The following CABP5 variants were observed in gnomAD, a reference collection of about 807,000 sequenced individuals.
The protein encoded by CABP5 is calcium binding protein 5, also known as calcium-binding protein 5.
CABP5 carries 17 observed loss-of-function variants against 21.9 expected under a neutral mutation model. The observed-to-expected ratio is 0.78, with a 90% CI of 0.53 to 1.17. CABP5 has a LOEUF of 1.17. Ranked by LOEUF, CABP5 falls within the 50% of genes most tolerant of loss-of-function variation. CABP5 has a pLI of 0.00. For synonymous variants in CABP5, 85 were observed against 79.4 expected, an observed-to-expected ratio of 1.07 and a Z score of -0.37; for missense variants, 229 against 228.9, an observed-to-expected ratio of 1.00 and a Z score of 0.00.
chr19:48,041,397 T>G (rs1967480179), intron 2 of CABP5, 176 bp downstream of exon 2: 3 of 662,594 alleles, frequency 4.5e-6, no homozygotes, highest in Admixed American at 3.1e-5. Flanking sequence ...CGAAATACTT[T>G]GGGAAGTCCT....
chr19:48,032,637 T>TTTC (rs150439776), intron 5 of CABP5, among the ~76,000 whole-genome samples: 14,750 of 103,946 alleles, frequency 0.14, 851 homozygotes, highest in South Asian at 0.19. Flanking sequence ...CTTTTTTTCT[T>TTTC]TTTTTCTTTT....
chr19:48,040,760 G>A lies in CABP5; in HGVS notation c.95-12C>T. Reference sequence around the variant, plus strand: ...TGCTTCCCGCAGCTCTGAAAGTTAAGAGAGAACTTTGGGGGAACTTGAAGC... The same window carrying A: ...TGCTTCCCGCAGCTCTGAAAGTTAAAAGAGAACTTTGGGGGAACTTGAAGC... On this transcript the variant is annotated splice_polypyrimidine_tract_variant and intron_variant, in intron 2 of 5. Transcript: ENST00000293255. The A allele has an allele frequency of 1.2e-6, 2 of 1,613,648 alleles. No homozygotes were observed. The highest frequency in any genetic ancestry group is 2.2e-5 in the East Asian group (1 of 44,868).
At chr19:48,036,994 G>C (rs1420711483) in intron 4 of CABP5, among the ~76,000 whole-genome samples, 1 of 152,158 alleles carries the variant, frequency 6.6e-6, no homozygotes, top group Non-Finnish European at 1.5e-5. Flanking sequence ...CTTTTGCTGG[G>C]TATGGAAATT....
intron 3 of CABP5, among the ~76,000 whole-genome samples, chr19:48,039,762 G>T (rs1315215473): frequency 4.0e-5 from 5 of 125,694 alleles, no homozygotes; most frequent in African/African-American, 1.5e-4. Context: ...TGCCAAGGCT[G>T]GAGTGCAATG....
chr19:48,041,314 C>T (rs1967479362), intron 2 of CABP5: 1 of 502,812 alleles, frequency 2.0e-6, no homozygotes, highest in African/African-American at 2.0e-5. Flanking sequence ...TGGGGAACCT[C>T]AAAGTCACCA....
At chr19:48,032,659 G>GTC (rs1488933182) in intron 5 of CABP5, among the ~76,000 whole-genome samples, 1 of 126,478 alleles carries the variant, frequency 7.9e-6, no homozygotes, top group African/African-American at 2.7e-5. Context: ...TTGAGATGGA[G>GTC]TCTCACTGTT....
chr19:48,034,152 TGA>T, intron 5 of CABP5, 61 bp downstream of exon 5: 4 of 1,432,534 alleles, frequency 2.8e-6, no homozygotes, highest in Non-Finnish European at 3.7e-6. Context: ...AATCTGACAG[TGA>T]GTTGGAAGTG....
At chr19:48,041,686 C>A in intron 1 of CABP5, 83 bp from the exon 2 acceptor site, 1 of 1,288,236 alleles carries the variant, frequency 7.8e-7, no homozygotes, top group Non-Finnish European at 1.1e-6. Context: ...CCAAGCTCCT[C>A]CCCACGCTCT....
chr19:48,033,155 C>A (rs1289663309), intron 5 of CABP5, among the ~76,000 whole-genome samples: 1 of 152,006 alleles, frequency 6.6e-6, no homozygotes, highest in Non-Finnish European at 1.5e-5. Flanking sequence ...GCACCTGCCA[C>A]CACTTCCGGC....
intron 1 of CABP5, 123 bp from the exon 2 acceptor site, chr19:48,041,726 C>T: frequency 1.2e-6 from 1 of 805,184 alleles, no homozygotes; most frequent in South Asian, 1.9e-5. Flanking sequence ...TCTCTCTCCT[C>T]CTCCATCCCT....
chr19:48,041,590 C>A lies in CABP5; in HGVS notation c.77G>T (p.Gly26Val), dbSNP rs771739690. 3.1e-6 allele frequency: 5 copies of A among 1,611,258 alleles called. No individual in the cohort carries two copies. In the South Asian group the frequency reaches 4.4e-5, roughly 14 times the overall value. ...IAEKQRERPL[G>V]QDEIEELREA... ...GGTGTTACCTTCAATCTCATCTTGT[C>A]CCAGTGGTCTTTCCTGGAAAGGAAT... Residue 26 changes from glycine to valine, a missense_variant, in exon 2 of 6, where the codon GGA (glycine) becomes GTA (valine). Gly to Val is a moderately radical substitution (Grantham distance 109). Coordinates refer to ENST00000293255, the MANE Select transcript of CABP5 (RefSeq NM_019855.5).
At chr19:48,031,313 G>A (rs1256555290) in intron 5 of CABP5, among the ~76,000 whole-genome samples, 1 of 152,156 alleles carries the variant, frequency 6.6e-6, no homozygotes, top group Non-Finnish European at 1.5e-5. Context: ...GTCAGGGAGG[G>A]TGGATCACTT....
rs141941628 is a variant in CABP5 at position 48,029,567 on chromosome 19, C to A, written c.*990G>T. 9.1e-4 allele frequency among the ~76,000 whole-genome samples: 138 copies of A among 152,208 alleles called. 4 individuals carry two copies. The South Asian group carries it at 0.027, about 30-fold the overall frequency. On this transcript the variant is annotated 3_prime_UTR_variant, in exon 6 of 6. Coordinates refer to ENST00000293255, the MANE Select transcript of CABP5 (RefSeq NM_019855.5). ...AGCCTCTGGGTGGTCCAGGACAGAC[C>A]AGCGCGGAGGTAGGAGGCTTCTAGG...
intron 5 of CABP5, among the ~76,000 whole-genome samples, chr19:48,032,673 C>T (rs1267510443): frequency 6.7e-6 from 1 of 149,280 alleles, no homozygotes; most frequent in Non-Finnish European, 1.5e-5. Context: ...CACTGTTGCC[C>T]GGGCTGGAGT....
At chr19:48,043,711 A>AGG in intron 1 of CABP5, 149 bp downstream of exon 1, 1 of 561,314 alleles carries the variant, frequency 1.8e-6, no homozygotes. Flanking sequence ...TGACCCCACC[A>AGG]GGGTCCTTGG....
At chr19:48,042,317 G>C (rs994299998) in intron 1 of CABP5, among the ~76,000 whole-genome samples, 1 of 152,150 alleles carries the variant, frequency 6.6e-6, no homozygotes, top group Non-Finnish European at 1.5e-5. Flanking sequence ...GCATTCAATG[G>C]CTTTCAGGCA....
Position 48,038,041 on chromosome 19 carries a change from G to C in CABP5, c.348+1167C>G, listed in dbSNP as rs1458215115. Among the ~76,000 whole-genome samples the C allele has an allele frequency of 2.0e-5, 3 of 152,216 alleles. No homozygotes were observed. The East Asian group carries it at 5.8e-4, about 29-fold the overall frequency. On this transcript the variant is annotated intron_variant, in intron 4 of 5. Coordinates refer to ENST00000293255, the MANE Select transcript of CABP5 (RefSeq NM_019855.5). ...GCAATTCCCTGCCTCAGCCTCCCAAGTAGCTGGGATTACAGGCGCCCACCA... is the reference window on the plus strand; with the variant it reads ...GCAATTCCCTGCCTCAGCCTCCCAACTAGCTGGGATTACAGGCGCCCACCA...
At chr19:48,037,460 G>T (rs1441523415) in intron 4 of CABP5, among the ~76,000 whole-genome samples, 2 of 151,456 alleles carry the variant, frequency 1.3e-5, no homozygotes, top group Non-Finnish European at 2.9e-5. Flanking sequence ...TAGAGACGGG[G>T]TTTCTCCATG....
intron 4 of CABP5, among the ~76,000 whole-genome samples, chr19:48,035,847 G>A (rs909497643): frequency 1.3e-4 from 20 of 152,190 alleles, no homozygotes; most frequent in Admixed American, 1.2e-3. Flanking sequence ...GTCATGGGAC[G>A]TTGTCAGGAT....
Sources: allele counts gnomAD v4.1 joint callset (sites outside exome capture counted in the v4.1 genomes callset), GRCh38; gene constraint gnomAD v4.1.1; transcripts MANE v1.5; gene names NCBI Gene and HGNC (gene_info 2026-07-23, HGNC 2026-07-21).